The following ADCY3 variants were observed in gnomAD, a reference collection of about 807,000 sequenced individuals.
ADCY3 encodes the protein adenylate cyclase 3.
ADCY3 carries 70 observed loss-of-function variants against 119.4 expected under a neutral mutation model. The observed-to-expected ratio is 0.59, with a 90% confidence interval of 0.48 to 0.72. The LOEUF (loss-of-function observed/expected upper bound fraction) is 0.72. Among genes scored for constraint, ADCY3 ranks in the 30% least tolerant of loss-of-function variants. The pLI, the probability that ADCY3 is intolerant of heterozygous loss-of-function variation, is 0.00. For missense variants in ADCY3, 1,238 were observed against 1,541.6 expected, an observed-to-expected ratio of 0.80 and a Z score of 3.30; for synonymous variants, 672 against 621.4, an observed-to-expected ratio of 1.08 and a Z score of -1.21.
At position 24,899,951 on chromosome 2, in the gene ADCY3, T is replaced by C. The variant is rs1324208454; in HGVS notation, c.675+18362A>G. On this transcript the variant is annotated intron_variant, in intron 2 of 21. Transcript: ENST00000679454. The surrounding 1 kb of genome is among the most constrained non-coding windows in gnomAD (Gnocchi z 4.5). ...AGTGCTTCATAATATAGAAGAAAAC[T>C]GATATTCGTTTAAGAGAAGCCTCAA... is the stretch of plus-strand genomic sequence containing the variant. 6.6e-6 allele frequency among the ~76,000 whole-genome samples: 1 copy of C among 152,128 alleles called. No homozygotes were observed. Among genetic ancestry groups the C allele is most frequent in the Non-Finnish European group, 1.5e-5 (1 of 68,030 alleles).
At chr2:24,829,724 G>T (rs535794009) in intron 13 of ADCY3, among the ~76,000 whole-genome samples, 1 of 144,954 alleles carries the variant, frequency 6.9e-6, no homozygotes, top group Non-Finnish European at 1.5e-5. Context: ...GCCCGGCACC[G>T]TGTGCTCCAA....
intron 2 of ADCY3, among the ~76,000 whole-genome samples, chr2:24,890,352 A>G (rs981192139): frequency 5.9e-5 from 9 of 152,316 alleles, no homozygotes; most frequent in Admixed American, 1.3e-4. Flanking sequence ...AAGTTGGGAA[A>G]TGTTCCCTCC....
intron 2 of ADCY3, among the ~76,000 whole-genome samples, chr2:24,879,624 T>C (rs1253166252): frequency 1.3e-5 from 2 of 152,186 alleles, no homozygotes; most frequent in African/African-American, 4.8e-5. Flanking sequence ...ATCATTCTAT[T>C]TGTTTCTCAC....
At chr2:24,892,988 C>T (rs1457576234) in intron 2 of ADCY3, among the ~76,000 whole-genome samples, 1 of 151,412 alleles carries the variant, frequency 6.6e-6, no homozygotes, top group African/African-American at 2.4e-5. Context: ...TTAGGGTTTG[C>T]ACAAAATGTC....
intron 2 of ADCY3, among the ~76,000 whole-genome samples, chr2:24,914,858 G>C (rs1387146428): frequency 2.6e-5 from 4 of 152,056 alleles, no homozygotes; most frequent in African/African-American, 4.8e-5. Context: ...CAAGGCCCAT[G>C]CTGCTCGGCA....
chr2:24,870,374 A>T (rs887150496), intron 3 of ADCY3, among the ~76,000 whole-genome samples: 2 of 151,844 alleles, frequency 1.3e-5, no homozygotes, highest in African/African-American at 4.8e-5. Flanking sequence ...AGTTTTACAT[A>T]TGGGGATACT....
At position 24,841,168 on chromosome 2, in the gene ADCY3, G is replaced by A; in HGVS notation, c.1196+91C>T. 7.2e-7 allele frequency: 1 copy of A among 1,384,328 alleles called. No individual in the cohort carries two copies. The highest frequency in any genetic ancestry group is 9.6e-7 in the Non-Finnish European group (1 of 1,044,146). The allele number at this position is 1,384,328 out of a possible 1,614,324, so 85.8% of individuals were successfully genotyped here. ...CTTCCAGCAGATCCCCCACCCAGGGGCCATGGCCAGCGCGGAAGACCTGCT... is the reference window on the plus strand; with the variant it reads ...CTTCCAGCAGATCCCCCACCCAGGGACCATGGCCAGCGCGGAAGACCTGCT... On this transcript the variant is annotated intron_variant, in intron 6 of 21. Transcript: ENST00000679454. The surrounding 1 kb of genome is among the most constrained non-coding windows in gnomAD (Gnocchi z 5.8).
rs1450424181 is a variant in ADCY3 at position 24,899,803 on chromosome 2, C to T, written c.675+18510G>A. ...AAATATGCAATTCACAGAAAGATCT[C>T]TGGAAGTATCCACACCAAACATTTG... is the stretch of plus-strand genomic sequence containing the variant. On this transcript the variant is annotated intron_variant, in intron 2 of 21. Transcript: ENST00000679454. This position sits in a 1 kb window ranked among gnomAD's most constrained non-coding sequence, Gnocchi z 4.5. Among the ~76,000 whole-genome samples, 1 of 152,188 alleles carries T rather than the reference C, an allele frequency of 6.6e-6. No homozygotes were observed. Among genetic ancestry groups the T allele is most frequent in the Non-Finnish European group, 1.5e-5 (1 of 68,044 alleles).
intron 3 of ADCY3, among the ~76,000 whole-genome samples, chr2:24,852,348 C>T (rs2148661484): frequency 6.6e-6 from 1 of 152,302 alleles, no homozygotes; most frequent in East Asian, 1.9e-4. Flanking sequence ...GTGGGGGGTA[C>T]AGGGGCAGTG....
In ADCY3 at chr2:24,824,397, C is replaced by T; in HGVS notation, c.2717G>A (p.Gly906Glu). 6.2e-7 allele frequency: 1 copy of T among 1,614,180 alleles called. No homozygotes were observed. Among genetic ancestry groups the T allele is most frequent in the Non-Finnish European group, 8.5e-7 (1 of 1,180,018 alleles). The change falls in exon 17 of 22, where the codon GGG (glycine) becomes GAG (glutamate). Residue 906 changes from glycine (G) to glutamate (E), a missense_variant. Around this residue, in one of 7 missense-constraint regions of ADCY3, gnomAD observed 499 missense variants for 571.0 expected, o/e 0.87. Transcript: ENST00000679454. ...LPEHVARHFLGSKKRDEELYS... is the reference protein window; with the variant it reads ...LPEHVARHFLESKKRDEELYS... ...CCTCACCTCATCTCTCTTCTTGGAC[C>T]CCAGGAAATGGCGTGCCACGTGCTC...
In ADCY3 at chr2:24,848,738, A is replaced by G. The variant is rs1277468027; in HGVS notation, c.826-6354T>C. Among the ~76,000 whole-genome samples the G allele has an allele frequency of 3.3e-5, 5 of 152,316 alleles. 1 individual carries two copies. The South Asian group carries it at 6.2e-4, about 19-fold the overall frequency. On this transcript the variant is annotated intron_variant, in intron 3 of 21. Transcript: ENST00000679454. ...ACATGATAGAAAGTATGACTGAGTGACTGAGGGTGTGGAGACAGCAGGTGG... is the reference window on the plus strand; with the variant it reads ...ACATGATAGAAAGTATGACTGAGTGGCTGAGGGTGTGGAGACAGCAGGTGG...
At chr2:24,903,562 G>C (rs1449245682) in intron 2 of ADCY3, among the ~76,000 whole-genome samples, 1 of 152,132 alleles carries the variant, frequency 6.6e-6, no homozygotes, top group Non-Finnish European at 1.5e-5. Context: ...ACCTCACAGA[G>C]TGGGTGTGAG....
At chr2:24,862,768 T>G (rs73923448) in intron 3 of ADCY3, among the ~76,000 whole-genome samples, 1 of 152,128 alleles carries the variant, frequency 6.6e-6, no homozygotes, top group African/African-American at 2.4e-5. Flanking sequence ...ATCTAATTTA[T>G]AATACCATAT....
At position 24,838,426 on chromosome 2, in the gene ADCY3, G is replaced by A. The variant is rs1291563143; in HGVS notation, c.1533+19C>T. The stretch of plus-strand genomic sequence containing the variant: ...GGGGTGGGGTGGGTGGGGTGGGTGG[G>A]GTGGGGTGGGGAACTCACCGAGCCA... On this transcript the variant is annotated intron_variant, in intron 8 of 21. Coordinates refer to ENST00000679454, the MANE Select transcript of ADCY3 (RefSeq NM_004036.5). 1 of 1,591,328 alleles carries A rather than the reference G, an allele frequency of 6.3e-7. No individual in the cohort carries two copies. The highest frequency in any genetic ancestry group is 8.5e-7 in the Non-Finnish European group (1 of 1,171,464).
intron 3 of ADCY3, among the ~76,000 whole-genome samples, chr2:24,855,852 G>C (rs530491920): frequency 6.6e-6 from 1 of 152,132 alleles, no homozygotes; most frequent in East Asian, 1.9e-4. Context: ...GCAATCTGTC[G>C]GCATGGCCTC....
At chr2:24,846,721 G>A (rs1316425932) in intron 3 of ADCY3, among the ~76,000 whole-genome samples, 1 of 152,038 alleles carries the variant, frequency 6.6e-6, no homozygotes, top group Non-Finnish European at 1.5e-5. Flanking sequence ...TGGGATTACA[G>A]GTGCCTGCCC....
intron 3 of ADCY3, among the ~76,000 whole-genome samples, chr2:24,852,681 C>A (rs1672469386): frequency 6.6e-6 from 1 of 152,280 alleles, no homozygotes; most frequent in South Asian, 2.1e-4. Context: ...CCCAACACCC[C>A]CAGCAGACGC....
chr2:24,868,427 A>G (rs1214935429), intron 3 of ADCY3, among the ~76,000 whole-genome samples: 2 of 152,134 alleles, frequency 1.3e-5, no homozygotes, highest in Admixed American at 6.5e-5. Context: ...TAATCCCAAC[A>G]CTTTGGGAGG....
At chr2:24,861,285 C>T (rs530670278) in intron 3 of ADCY3, among the ~76,000 whole-genome samples, 20 of 151,166 alleles carry the variant, frequency 1.3e-4, no homozygotes, top group Non-Finnish European at 2.4e-4. Flanking sequence ...GAGCACCTGA[C>T]CAAATAAAAA....
Sources: allele counts gnomAD v4.1 joint callset (sites outside exome capture counted in the v4.1 genomes callset), GRCh38; gene constraint gnomAD v4.1.1; regional missense constraint gnomAD v4.1.1; non-coding constraint Gnocchi (gnomAD v3.1); transcripts MANE v1.5; gene names NCBI Gene and HGNC (gene_info 2026-07-23, HGNC 2026-07-21).